SPIDR: variants seen among roughly 807,000 people sequenced by gnomAD.
SPIDR encodes the protein scaffold protein involved in DNA repair.
In SPIDR, 93 loss-of-function variants were observed where a neutral mutation model predicts 104.6. That is an observed-to-expected ratio of 0.89 (90% confidence interval 0.75 to 1.06). SPIDR has a LOEUF of 1.06. Ranked by LOEUF, SPIDR falls within the 50% of genes least tolerant of loss-of-function variation. The pLI is 0.00. For synonymous variants in SPIDR, 431 were observed against 416.9 expected (o/e 1.03, Z -0.41); for missense variants, 1,154 against 1,111.2 (o/e 1.04, Z -0.55).
intron 8 of SPIDR, among the ~76,000 whole-genome samples, chr8:47,545,362 C>T: frequency 6.6e-6 from 1 of 151,830 alleles, no homozygotes; most frequent in Non-Finnish European, 1.5e-5. Context: ...AGCCACTGTG[C>T]CCGGCCTTTT....
intron 5 of SPIDR, among the ~76,000 whole-genome samples, chr8:47,366,425 G>C (rs1229575389): frequency 6.6e-6 from 1 of 152,140 alleles, no homozygotes; most frequent in Admixed American, 6.5e-5. Context: ...GATATGTGTA[G>C]GATAGGGCAA....
At chr8:47,391,519 C>T (rs1359944753) in intron 5 of SPIDR, among the ~76,000 whole-genome samples, 1 of 151,950 alleles carries the variant, frequency 6.6e-6, no homozygotes, top group Non-Finnish European at 1.5e-5. Context: ...TCAGCCTGGG[C>T]AACGGAGTGA....
At chr8:47,521,571 G>A (rs1237884798) in intron 8 of SPIDR, among the ~76,000 whole-genome samples, 3 of 151,044 alleles carry the variant, frequency 2.0e-5, no homozygotes, top group African/African-American at 4.9e-5. Flanking sequence ...TTACAGGCAC[G>A]CACCACCATG....
intron 2 of SPIDR, among the ~76,000 whole-genome samples, chr8:47,280,240 A>T (rs370959336): frequency 0.031 from 4,502 of 144,312 alleles, 180 homozygotes; most frequent in African/African-American, 0.1. Context: ...TTTTTATTTT[A>T]TTTATTTATT....
chr8:47,608,319 A>T (rs1037532771), intron 10 of SPIDR, among the ~76,000 whole-genome samples: 1 of 152,204 alleles, frequency 6.6e-6, no homozygotes. Flanking sequence ...TTCTGTGAAT[A>T]TACCATATTT....
chr8:47,695,424 G>A (rs750507013), intron 11 of SPIDR, among the ~76,000 whole-genome samples: 2 of 152,120 alleles, frequency 1.3e-5, no homozygotes, highest in African/African-American at 2.4e-5. Context: ...GTCCATCATG[G>A]GCCAGGTGCT....
chr8:47,530,968 T>G (rs1395992788), intron 8 of SPIDR, among the ~76,000 whole-genome samples: 1 of 152,074 alleles, frequency 6.6e-6, no homozygotes, highest in Non-Finnish European at 1.5e-5. Flanking sequence ...TGGAGTGCAG[T>G]GGCGCAGTCA....
At chr8:47,550,741 C>T (rs888709102) in intron 8 of SPIDR, among the ~76,000 whole-genome samples, 6 of 152,154 alleles carry the variant, frequency 3.9e-5, no homozygotes, top group African/African-American at 1.4e-4. Context: ...TCCTCATTTC[C>T]TAATTGAATA....
chr8:47,300,407 T>A lies in SPIDR; in HGVS notation c.525+6377T>A, dbSNP rs1348847765. 2.6e-5 allele frequency among the ~76,000 whole-genome samples: 4 copies of A among 152,208 alleles called. No individual in the cohort carries two copies. In the East Asian group the frequency reaches 7.7e-4, roughly 29 times the overall value. ...TTGATCTTTTCAAAAAGCCAGCTCC[T>A]GGATTCATTGATTTTTTTGAAGGGT... On this transcript the variant is annotated intron_variant, in intron 5 of 19. Transcript: ENST00000297423.
In SPIDR at chr8:47,396,390, A is replaced by C. The variant is rs782720277; in HGVS notation, c.540A>C (p.Glu180Asp). ...LSELPKPSSI[E>D]ILEYSSDSEK... ...TTTTTTTTCAGCCAAGTTCTATAGA[A>C]ATTTTAGAGTATTCATCAGATAGTG... Residue 180 changes from glutamate (E) to aspartate (D), a missense_variant, in exon 6 of 20, where the codon GAA (glutamate) becomes GAC (aspartate). By Grantham distance (45) the Glu-to-Asp change is conservative. Transcript: ENST00000297423. The C allele has an allele frequency of 6.2e-7, 1 of 1,605,762 alleles. No individual in the cohort carries two copies. The highest frequency in any genetic ancestry group is 1.7e-5 in the Admixed American group (1 of 59,440).
At chr8:47,535,556 C>T (rs535015583) in intron 8 of SPIDR, among the ~76,000 whole-genome samples, 1 of 152,204 alleles carries the variant, frequency 6.6e-6, no homozygotes, top group Non-Finnish European at 1.5e-5. Context: ...GAATTATCTA[C>T]CCTGACCAAG....
chr8:47,475,055 A>C (rs540981504), intron 8 of SPIDR, among the ~76,000 whole-genome samples: 1 of 152,332 alleles, frequency 6.6e-6, no homozygotes, highest in South Asian at 2.1e-4. Flanking sequence ...TGTTCCTGGA[A>C]GTGTTTCATA....
chr8:47,688,016 A>AGTGTGT (rs141582845), intron 11 of SPIDR, among the ~76,000 whole-genome samples: 6,248 of 145,638 alleles, frequency 0.043, 157 homozygotes, highest in South Asian at 0.078. Flanking sequence ...AAAAAAAAAA[A>AGTGTGT]GTGTGTGTGT....
intron 10 of SPIDR, among the ~76,000 whole-genome samples, chr8:47,602,836 T>C (rs2062458186): frequency 6.6e-6 from 1 of 152,222 alleles, no homozygotes; most frequent in Non-Finnish European, 1.5e-5. Flanking sequence ...TGTGAAACAT[T>C]ATCAGAAATA....
intron 5 of SPIDR, among the ~76,000 whole-genome samples, chr8:47,366,420 G>A (rs1274292315): frequency 2.0e-5 from 3 of 152,168 alleles, no homozygotes; most frequent in Admixed American, 6.5e-5. Flanking sequence ...TGGGAGATAT[G>A]TGTAGGATAG....
intron 11 of SPIDR, among the ~76,000 whole-genome samples, chr8:47,692,220 A>G (rs2078751163): frequency 6.6e-6 from 1 of 152,130 alleles, no homozygotes; most frequent in South Asian, 2.1e-4. Flanking sequence ...TGTACGAATC[A>G]TTGGTTTTTA....
At chr8:47,584,358 G>A (rs1294919538) in intron 8 of SPIDR, among the ~76,000 whole-genome samples, 1 of 152,170 alleles carries the variant, frequency 6.6e-6, no homozygotes, top group Non-Finnish European at 1.5e-5. Context: ...TTAAATTAGA[G>A]AATTAAGTAT....
intron 8 of SPIDR, among the ~76,000 whole-genome samples, chr8:47,564,768 A>G (rs1378036037): frequency 1.3e-5 from 2 of 152,146 alleles, no homozygotes. Context: ...AAAGTAGACT[A>G]GTTTTAAAAA....
chr8:47,417,071 G>C (rs2064470538), intron 7 of SPIDR, among the ~76,000 whole-genome samples: 1 of 152,106 alleles, frequency 6.6e-6, no homozygotes. Flanking sequence ...ATTGTGAATA[G>C]TGCCACAATA....
Sources: allele counts gnomAD v4.1 joint callset (sites outside exome capture counted in the v4.1 genomes callset), GRCh38; gene constraint gnomAD v4.1.1; transcripts MANE v1.5; gene names NCBI Gene and HGNC (gene_info 2026-07-23, HGNC 2026-07-21).